Variants in IRF8 observed in about 807,000 individuals in gnomAD.
The protein encoded by IRF8 is interferon consensus sequence binding protein 1.
In IRF8, 14 loss-of-function variants were observed where a neutral mutation model predicts 48.7. The observed-to-expected ratio is 0.29, with a 90% CI of 0.19 to 0.45. The LOEUF is 0.45. Among genes scored for constraint, IRF8 ranks in the 20% least tolerant of loss-of-function variants. IRF8 has a pLI of 1.00. For synonymous variants in IRF8, 278 were observed against 227.3 expected (o/e 1.22, Z -2.01); for missense variants, 493 against 580.7 (o/e 0.85, Z 1.55).
At chr16:85,903,804 T>C (rs886423444) in intron 2 of IRF8, among the ~76,000 whole-genome samples, 1 of 152,204 alleles carries the variant, frequency 6.6e-6, no homozygotes, top group Non-Finnish European at 1.5e-5. Context: ...CACATGATCC[T>C]GTGTGGTAGA....
chr16:85,900,989 A>T (rs1033187283), intron 1 of IRF8: 4 of 152,220 alleles, frequency 2.6e-5, no homozygotes, highest in African/African-American at 7.2e-5. Context: ...AGGGGAGTTG[A>T]AAGTCTCAGA....
At chr16:85,903,402 T>C in intron 2 of IRF8, 1 of 578,136 alleles carries the variant, frequency 1.7e-6, no homozygotes, top group Non-Finnish European at 3.1e-6. Flanking sequence ...TTGTGGTCGC[T>C]TGTATTCTGA....
chr16:85,912,558 G>A lies in IRF8; in HGVS notation c.448-573G>A, dbSNP rs988606164. ...GCCGACTGAGTGAATTCTTGGCTTCGTGGCCCTCCACCAATGTCCTGTTTT... is the reference window on the plus strand; with the variant it reads ...GCCGACTGAGTGAATTCTTGGCTTCATGGCCCTCCACCAATGTCCTGTTTT... On this transcript the variant is annotated intron_variant, in intron 4 of 8. Coordinates refer to ENST00000268638, the MANE Select transcript of IRF8 (RefSeq NM_002163.4). Among the ~76,000 whole-genome samples, 9 of 152,330 alleles carry A rather than the reference G, an allele frequency of 5.9e-5. 1 individual carries two copies. Among genetic ancestry groups the A allele is most frequent in the East Asian group, 1.9e-4 (1 of 5,188 alleles).
Position 85,918,468 on chromosome 16 carries a change from A to G in IRF8, c.653A>G (p.Gln218Arg). The G allele has an allele frequency of 6.3e-7, 1 of 1,590,764 alleles. No homozygotes were observed. The highest frequency in any genetic ancestry group is 8.5e-7 in the Non-Finnish European group (1 of 1,175,278). Residue 218 changes from glutamine to arginine, a missense_variant, in exon 7 of 9, where the codon CAG (glutamine) becomes CGG (arginine). Physicochemically the swap from Gln to Arg is conservative, Grantham distance 43 (BLOSUM62 1). Around this residue, in one of 3 missense-constraint regions of IRF8, gnomAD observed 408 missense variants for 449.6 expected, o/e 0.91. Coordinates refer to ENST00000268638, the MANE Select transcript of IRF8 (RefSeq NM_002163.4). ...TACTATGGGGGCAAGCTGGTGGGCC[A>G]GGCCACCACCACCTGCCCCGAGGGC... ...SFYYGGKLVG[Q>R]ATTTCPEGCR...
chr16:85,915,425 G>A (rs983751863), intron 6 of IRF8, among the ~76,000 whole-genome samples: 1 of 152,256 alleles, frequency 6.6e-6, no homozygotes, highest in African/African-American at 2.4e-5. Flanking sequence ...GGACAGTTTT[G>A]TGGGTAGCAG....
chr16:85,904,400 C>T (rs1904924941), intron 2 of IRF8, among the ~76,000 whole-genome samples: 1 of 152,236 alleles, frequency 6.6e-6, no homozygotes, highest in African/African-American at 2.4e-5. Context: ...CCACAGATGA[C>T]TGTCCCCTGA....
At chr16:85,905,550 A>G (rs1473453489) in intron 2 of IRF8, among the ~76,000 whole-genome samples, 4 of 152,176 alleles carry the variant, frequency 2.6e-5, no homozygotes, top group Admixed American at 1.3e-4. Flanking sequence ...GCGGGTGCCC[A>G]CTGGAGCAGG....
chr16:85,921,237 A>G lies in IRF8; in HGVS notation c.1236A>G (p.Ser412=), dbSNP rs16940012. 2.2e-3 allele frequency: 3,477 copies of G among 1,614,178 alleles called. 68 individuals are homozygous for G. In the African/African-American group the frequency reaches 0.041, roughly 19 times the overall value. ...VFRMFPDICA[S]HQRSFFRENQ... ...GGATGTTTCCAGATATTTGTGCCTC[A>G]CACCAGAGATCATTTTTCAGAGAAA... Residue 412 remains serine (S), a synonymous_variant, in exon 9 of 9, where the codon TCA becomes TCG. Coordinates refer to ENST00000268638, the MANE Select transcript of IRF8 (RefSeq NM_002163.4).
intron 1 of IRF8, among the ~76,000 whole-genome samples, chr16:85,900,244 A>G (rs369140367): frequency 1.8e-4 from 28 of 152,202 alleles, no homozygotes; most frequent in Non-Finnish European, 3.5e-4. Flanking sequence ...GTGACCTGTA[A>G]TCTGGATTAG....
rs756760045 is a variant in IRF8, at chr16:85,920,167, C to T, written c.1047C>T (p.Cys349=). The T allele has an allele frequency of 9.4e-6, 15 of 1,600,694 alleles. No homozygotes were observed. In the Admixed American group the frequency reaches 2.4e-4, roughly 25 times the overall value. The change falls in exon 8 of 9, where the codon TGC becomes TGT. Residue 349 remains cysteine, a synonymous_variant. Coordinates refer to ENST00000268638, the MANE Select transcript of IRF8 (RefSeq NM_002163.4). ...TTCCTGACGGCAGGGTGGTGCTGTG[C>T]TTTGGGGAAGAGTTTCCGGATATGG... ...GRLPDGRVVL[C]FGEEFPDMAP... is the part of the protein sequence containing the mutation.
At chr16:85,914,275 G>T in intron 5 of IRF8, 198 bp from the exon 6 acceptor site, 1 of 644,924 alleles carries the variant, frequency 1.6e-6, no homozygotes, top group Non-Finnish European at 2.8e-6. Flanking sequence ...TGCCACTCTG[G>T]TTTTCTGCAT....
rs778701382 is a variant in IRF8 at position 85,920,240 on chromosome 16, T to A, written c.1104+16T>A. ...TCTCGTGCAGGTAAGTATGGGCAGC[T>A]TTTTTTTTTTTTTTTTTTTTTTTTG... On this transcript the variant is annotated intron_variant, in intron 8 of 8. Coordinates refer to ENST00000268638, the MANE Select transcript of IRF8 (RefSeq NM_002163.4). 5 of 86,736 alleles carry A rather than the reference T, an allele frequency of 5.8e-5. No individual in the cohort carries two copies. The highest frequency in any genetic ancestry group is 9.1e-5 in the Non-Finnish European group (4 of 44,186). 5.4% of individuals were successfully genotyped at this position (86,736 alleles called of 1,614,324 possible). A position where few individuals can be genotyped will look rare whatever the true frequency, so the allele number is the denominator to read the frequency against.
chr16:85,906,916 T>C (rs993339161), intron 2 of IRF8, among the ~76,000 whole-genome samples: 2 of 152,292 alleles, frequency 1.3e-5, no homozygotes, highest in Non-Finnish European at 2.9e-5. Flanking sequence ...CCAGCTGATA[T>C]GTCAGGCTTG....
At chr16:85,914,387 G>T (rs1000980366) in intron 5 of IRF8, 86 bp from the exon 6 acceptor site, 2 of 1,530,356 alleles carry the variant, frequency 1.3e-6, no homozygotes, top group South Asian at 1.1e-5. Context: ...GCCTTTTAAG[G>T]GACTTTTGGA....
intron 2 of IRF8, among the ~76,000 whole-genome samples, chr16:85,907,152 T>TA (rs1434405263): frequency 6.6e-6 from 1 of 152,212 alleles, no homozygotes; most frequent in African/African-American, 2.4e-5. Context: ...AACTACCACT[T>TA]ATGCTCACTA....
chr16:85,906,370 A>T (rs1464600585), intron 2 of IRF8, among the ~76,000 whole-genome samples: 1 of 152,122 alleles, frequency 6.6e-6, no homozygotes, highest in Non-Finnish European at 1.5e-5. Context: ...AATCACTCTC[A>T]TGTCTAGTTT....
intron 1 of IRF8, among the ~76,000 whole-genome samples, chr16:85,901,490 T>C (rs1391128936): frequency 6.6e-6 from 1 of 152,098 alleles, no homozygotes; most frequent in Admixed American, 6.6e-5. Context: ...TGGTGGCATA[T>C]GTCTGTAGTT....
intron 3 of IRF8, among the ~76,000 whole-genome samples, chr16:85,910,762 G>A (rs1425106323): frequency 6.6e-6 from 1 of 152,172 alleles, no homozygotes; most frequent in East Asian, 1.9e-4. Flanking sequence ...CGCCCCACCT[G>A]CTCCCTACTT....
In IRF8 at chr16:85,921,534, T is replaced by C; in HGVS notation, c.*252T>C. The C allele has an allele frequency of 1.9e-6, 1 of 521,684 alleles. No homozygotes were observed. Among genetic ancestry groups the C allele is most frequent in the Non-Finnish European group, 3.5e-6 (1 of 288,022 alleles). 32.3% of individuals were successfully genotyped at this position (521,684 alleles called of 1,614,324 possible). A position where few individuals can be genotyped will look rare whatever the true frequency, so the allele number is the denominator to read the frequency against. On this transcript the variant is annotated 3_prime_UTR_variant, in exon 9 of 9. Transcript: ENST00000268638. ...TGGCTAAAAATTTTATTTTCTATCC[T>C]TTACCCGTCATTATCATTAGTTGCT...
Sources: gnomAD v4.1 joint callset for allele counts (sites outside exome capture counted in the v4.1 genomes callset) on GRCh38, gnomAD v4.1.1 for gene constraint, gnomAD v4.1.1 regional missense constraint, MANE v1.5 for transcripts, NCBI Gene and HGNC (gene_info 2026-07-23, HGNC 2026-07-21) for gene names.